ELP4: variants seen among roughly 807,000 people sequenced by gnomAD.
ELP4 encodes elongator complex protein 4.
ELP4 carries 51 observed loss-of-function variants against 48.9 expected under a neutral mutation model. The ratio of observed to expected loss-of-function variants is 1.04; its 90% CI spans 0.83 to 1.32. The LOEUF (loss-of-function observed/expected upper bound fraction) is 1.32, where lower values mean the gene tolerates loss of function less well. Ranked by LOEUF, ELP4 falls within the 40% of genes most tolerant of loss-of-function variation. ELP4 has a pLI of 0.00. For synonymous variants in ELP4, 210 were observed against 189.2 expected, an observed-to-expected ratio of 1.11 and a Z score of -0.90; for missense variants, 519 against 514.6, an observed-to-expected ratio of 1.01 and a Z score of -0.08.
At chr11:31,679,031 T>C (rs1945999968) in intron 9 of ELP4, among the ~76,000 whole-genome samples, 1 of 152,216 alleles carries the variant, frequency 6.6e-6, no homozygotes, top group African/African-American at 2.4e-5. Flanking sequence ...ATGAAACTTC[T>C]TTTTATATGT....
chr11:31,657,729 A>G (rs1945467670), intron 9 of ELP4, among the ~76,000 whole-genome samples: 1 of 152,014 alleles, frequency 6.6e-6, no homozygotes, highest in African/African-American at 2.4e-5. Flanking sequence ...CAGGAGTTAT[A>G]TAACCTTCCT....
chr11:31,707,254 T>C, intron 9 of ELP4: 1 of 356,974 alleles, frequency 2.8e-6, no homozygotes, highest in East Asian at 4.0e-5. Flanking sequence ...TAAGTATATA[T>C]ATGAAATAAA....
chr11:31,694,187 T>C (rs1592229596), intron 9 of ELP4, among the ~76,000 whole-genome samples: 1 of 152,188 alleles, frequency 6.6e-6, no homozygotes, highest in African/African-American at 2.4e-5. Flanking sequence ...TTTGTCAATT[T>C]TGGCTTTTGT....
intron 5 of ELP4, among the ~76,000 whole-genome samples, chr11:31,617,523 GT>G (rs1034951950): frequency 5.3e-5 from 8 of 151,932 alleles, no homozygotes; most frequent in African/African-American, 1.9e-4. Flanking sequence ...TTAATGTTAA[GT>G]TGTGCAACAT....
At chr11:31,619,077 G>T (rs1944558994) in intron 5 of ELP4, among the ~76,000 whole-genome samples, 1 of 152,014 alleles carries the variant, frequency 6.6e-6, no homozygotes, top group African/African-American at 2.4e-5. Flanking sequence ...GGGGTTTGGT[G>T]CAGAAAAATA....
chr11:31,680,426 T>G (rs2134121464), intron 9 of ELP4, among the ~76,000 whole-genome samples: 1 of 152,290 alleles, frequency 6.6e-6, no homozygotes, highest in Non-Finnish European at 1.5e-5. Flanking sequence ...AAATTTACCC[T>G]AGAGCATTGG....
intron 9 of ELP4, chr11:31,651,410 TGTTAGAA>T (rs1945316104): frequency 6.6e-6 from 1 of 151,514 alleles, no homozygotes; most frequent in African/African-American, 2.4e-5. Flanking sequence ...TCTGCAGGAG[TGTTAGAA>T]GTTTCTCATC....
At chr11:31,699,217 G>A (rs1946471474) in intron 9 of ELP4, among the ~76,000 whole-genome samples, 1 of 152,078 alleles carries the variant, frequency 6.6e-6, no homozygotes, top group African/African-American at 2.4e-5. Context: ...AAGCCTCTTG[G>A]CAAGATAGCT....
chr11:31,753,799 A>T (rs1947778362), intron 9 of ELP4, among the ~76,000 whole-genome samples: 2 of 152,224 alleles, frequency 1.3e-5, no homozygotes, highest in Non-Finnish European at 2.9e-5. Context: ...ATGTAAAATA[A>T]CATTATTCAT....
At chr11:31,677,082 G>C (rs1425555342) in intron 9 of ELP4, among the ~76,000 whole-genome samples, 2 of 152,172 alleles carry the variant, frequency 1.3e-5, no homozygotes, top group South Asian at 2.1e-4. Context: ...TAGTAGAAAA[G>C]GTTTGTAATA....
At chr11:31,551,271 C>T (rs1592109225) in intron 3 of ELP4, among the ~76,000 whole-genome samples, 1 of 152,126 alleles carries the variant, frequency 6.6e-6, no homozygotes, top group South Asian at 2.1e-4. Context: ...CAAATCGATG[C>T]GGATGGTCTG....
chr11:31,637,974 G>T lies in ELP4; in HGVS notation c.927+5569G>T, dbSNP rs569337603. On this transcript the variant is annotated intron_variant, in intron 7 of 9. Transcript: ENST00000640961. ...TTTTTAGTATAATCTGTGGCAAGTT[G>T]TTTTTGATTTGTATTTTTTAAGGCA... is the stretch of plus-strand genomic sequence containing the variant. 7.0e-4 allele frequency among the ~76,000 whole-genome samples: 107 copies of T among 151,880 alleles called. No individual in the cohort carries two copies. In the Middle Eastern group the frequency reaches 0.02, roughly 29 times the overall value.
chr11:31,775,413 G>A (rs1044676065), intron 9 of ELP4, among the ~76,000 whole-genome samples: 3 of 152,128 alleles, frequency 2.0e-5, no homozygotes, highest in African/African-American at 7.2e-5. Context: ...CTACTTCTGG[G>A]CCCCATGTTA....
chr11:31,579,329 T>G (rs1326012739), intron 3 of ELP4, among the ~76,000 whole-genome samples: 1 of 152,354 alleles, frequency 6.6e-6, no homozygotes, highest in Non-Finnish European at 1.5e-5. Context: ...ACTTTTATAC[T>G]GTTGGTGGGA....
At chr11:31,568,196 A>C (rs551509410) in intron 3 of ELP4, among the ~76,000 whole-genome samples, 1 of 152,236 alleles carries the variant, frequency 6.6e-6, no homozygotes, top group Non-Finnish European at 1.5e-5. Context: ...ATGCAGTGTC[A>C]TTCACAATAG....
intron 7 of ELP4, among the ~76,000 whole-genome samples, chr11:31,641,576 A>G (rs1000886189): frequency 2.6e-5 from 4 of 151,888 alleles, no homozygotes; most frequent in African/African-American, 7.2e-5. Context: ...AAAGGGGGGC[A>G]CCTTACATAA....
chr11:31,661,673 A>G (rs1285803468), intron 9 of ELP4, among the ~76,000 whole-genome samples: 1 of 86,862 alleles, frequency 1.2e-5, no homozygotes, highest in Non-Finnish European at 3.5e-5. Flanking sequence ...GGGTGTGACC[A>G]TTAAAAAAAC....
intron 9 of ELP4, among the ~76,000 whole-genome samples, chr11:31,760,420 G>A (rs965992365): frequency 6.6e-6 from 1 of 152,116 alleles, no homozygotes; most frequent in Admixed American, 6.5e-5. Context: ...CAGCTTAACA[G>A]GTTGAAATAT....
intron 7 of ELP4, among the ~76,000 whole-genome samples, chr11:31,635,940 C>T (rs943633671): frequency 6.6e-6 from 1 of 151,940 alleles, no homozygotes; most frequent in African/African-American, 2.4e-5. Context: ...GTCAGTTGGC[C>T]ATCCAAATAT....
Sources: allele counts gnomAD v4.1 joint callset (sites outside exome capture counted in the v4.1 genomes callset), GRCh38; gene constraint gnomAD v4.1.1; transcripts MANE v1.5; gene names NCBI Gene and HGNC (gene_info 2026-07-23, HGNC 2026-07-21).